NEK10: variants seen among roughly 807,000 people sequenced by gnomAD.
NEK10 encodes serine/threonine-protein kinase Nek10.
NEK10 carries 122 observed loss-of-function variants against 159.8 expected under a neutral mutation model. That is an observed-to-expected ratio of 0.76 (90% CI 0.66 to 0.89). The LOEUF (loss-of-function observed/expected upper bound fraction) is 0.89, where lower values mean the gene tolerates loss of function less well. Among genes scored for constraint, NEK10 ranks in the 40% least tolerant of loss-of-function variants. The probability of loss-of-function intolerance (pLI) is 0.00; values close to 1 mark genes in which losing one functional copy is unlikely to be tolerated. For synonymous variants in NEK10, 466 were observed against 457.1 expected (o/e 1.02, Z -0.25); for missense variants, 1,342 against 1,323.1 (o/e 1.01, Z -0.22).
At chr3:27,127,025 C>T (rs113127660) in intron 32 of NEK10, among the ~76,000 whole-genome samples, 1 of 149,564 alleles carries the variant, frequency 6.7e-6, no homozygotes, top group South Asian at 2.1e-4. Context: ...AACAAACAAA[C>T]AAAAAACCCA....
intron 22 of NEK10, among the ~76,000 whole-genome samples, chr3:27,275,930 G>A (rs1183387515): frequency 6.6e-6 from 1 of 152,102 alleles, no homozygotes; most frequent in Non-Finnish European, 1.5e-5. Flanking sequence ...TGTTTGCTAA[G>A]ATGACAGTGG....
chr3:27,301,372 A>G (rs1490581868), intron 13 of NEK10, among the ~76,000 whole-genome samples: 1 of 152,218 alleles, frequency 6.6e-6, no homozygotes, highest in African/African-American at 2.4e-5. Flanking sequence ...AATTCTAGAA[A>G]GCATGATTCT....
intron 35 of NEK10, among the ~76,000 whole-genome samples, chr3:27,113,818 G>T (rs892271522): frequency 4.6e-5 from 7 of 152,174 alleles, no homozygotes; most frequent in African/African-American, 1.7e-4. Context: ...AAAAGTTCTT[G>T]TAAGAGCTTC....
intron 1 of NEK10, among the ~76,000 whole-genome samples, chr3:27,357,073 T>G (rs572394643): frequency 6.6e-6 from 1 of 152,200 alleles, no homozygotes; most frequent in African/African-American, 2.4e-5. Context: ...TGGTGCTCCT[T>G]CTCGATGCCC....
At chr3:27,294,305 T>G (rs1214635001) in intron 15 of NEK10, among the ~76,000 whole-genome samples, 2 of 152,100 alleles carry the variant, frequency 1.3e-5, no homozygotes, top group African/African-American at 4.8e-5. Context: ...ACCATTGGAG[T>G]GATCAGGGTT....
At chr3:27,299,572 G>A (rs897884889) in intron 13 of NEK10, among the ~76,000 whole-genome samples, 10 of 152,180 alleles carry the variant, frequency 6.6e-5, no homozygotes, top group African/African-American at 2.4e-4. Context: ...CTGTCCTCCA[G>A]TAGAATGGCA....
intron 1 of NEK10, among the ~76,000 whole-genome samples, chr3:27,361,342 G>C (rs1185546148): frequency 6.6e-6 from 1 of 152,128 alleles, no homozygotes; most frequent in African/African-American, 2.4e-5. Flanking sequence ...GCCTGTGTTA[G>C]AGCAAATGAA....
intron 31 of NEK10, among the ~76,000 whole-genome samples, chr3:27,137,721 A>G (rs888710294): frequency 1.2e-4 from 18 of 152,212 alleles, no homozygotes; most frequent in Admixed American, 8.5e-4. Flanking sequence ...AAAAGTGATC[A>G]GTTTTAGACT....
intron 32 of NEK10, among the ~76,000 whole-genome samples, chr3:27,123,333 C>T (rs1208175284): frequency 1.3e-5 from 2 of 152,024 alleles, no homozygotes; most frequent in Non-Finnish European, 2.9e-5. Flanking sequence ...AACACTGGAG[C>T]TGATCTTTGA....
intron 22 of NEK10, among the ~76,000 whole-genome samples, chr3:27,282,636 T>C (rs1217887723): frequency 3.6e-5 from 5 of 138,370 alleles, no homozygotes; most frequent in African/African-American, 1.3e-4. Flanking sequence ...TATACATAAC[T>C]GTGTTATATA....
At chr3:27,247,049 T>C (rs1015055974) in intron 23 of NEK10, among the ~76,000 whole-genome samples, 11 of 152,280 alleles carry the variant, frequency 7.2e-5, no homozygotes, top group Admixed American at 2.6e-4. Flanking sequence ...TTTCCAAATA[T>C]AAGATCATAT....
intron 22 of NEK10, among the ~76,000 whole-genome samples, chr3:27,270,134 G>C (rs2041217979): frequency 6.6e-6 from 1 of 152,242 alleles, no homozygotes; most frequent in South Asian, 2.1e-4. Flanking sequence ...TACTTCCAAG[G>C]TTCGGTTATA....
chr3:27,199,728 G>A (rs7634878), intron 25 of NEK10, among the ~76,000 whole-genome samples: 68,852 of 151,978 alleles, frequency 0.45, 15,819 homozygotes, highest in Middle Eastern at 0.57. Flanking sequence ...TAAATTCTAG[G>A]CTGGATAAAG....
intron 30 of NEK10, among the ~76,000 whole-genome samples, chr3:27,151,209 C>T (rs2090909): frequency 0.99 from 150,525 of 152,280 alleles, 74,396 homozygotes; most frequent in East Asian, 1. Flanking sequence ...AGCACAAAAA[C>T]AGAGCATTAA....
At chr3:27,146,465 C>CA (rs1559512355) in intron 30 of NEK10, among the ~76,000 whole-genome samples, 1 of 150,800 alleles carries the variant, frequency 6.6e-6, no homozygotes, top group Non-Finnish European at 1.5e-5. Flanking sequence ...CATGAAGAAG[C>CA]AAAAAATATA....
intron 6 of NEK10, among the ~76,000 whole-genome samples, chr3:27,321,461 A>AG (rs976422743): frequency 2.6e-5 from 4 of 152,182 alleles, no homozygotes; most frequent in African/African-American, 4.8e-5. Flanking sequence ...ACCTGAGGTC[A>AG]GGGGTTTGAG....
intron 32 of NEK10, among the ~76,000 whole-genome samples, chr3:27,122,362 G>A (rs1024444701): frequency 1.2e-4 from 19 of 152,170 alleles, no homozygotes; most frequent in Admixed American, 3.9e-4. Context: ...AAATTACCAA[G>A]TCTCGGGCAT....
intron 32 of NEK10, 63 bp from the exon 33 acceptor site, chr3:27,119,931 C>G (rs1238213068): frequency 8.1e-7 from 1 of 1,233,232 alleles, no homozygotes; most frequent in African/African-American, 1.5e-5. Context: ...CAGGAGACCT[C>G]TGTGTGGGGT....
At chr3:27,258,399 T>C (rs993218978) in intron 22 of NEK10, among the ~76,000 whole-genome samples, 2 of 124,404 alleles carry the variant, frequency 1.6e-5, no homozygotes, top group Non-Finnish European at 3.2e-5. Context: ...GGCCCTGGTG[T>C]GTGATGTTCC....
Sources: gnomAD v4.1 joint callset for allele counts (sites outside exome capture counted in the v4.1 genomes callset) on GRCh38, gnomAD v4.1.1 for gene constraint, MANE v1.5 for transcripts, NCBI Gene and HGNC (gene_info 2026-07-23, HGNC 2026-07-21) for gene names.